RMND5A: variants seen among roughly 807,000 people sequenced by gnomAD.
RMND5A encodes the protein E3 ubiquitin-protein transferase RMND5A.
RMND5A carries 17 observed loss-of-function variants against 49.7 expected under a neutral mutation model. That is an observed-to-expected ratio of 0.34 (90% CI 0.23 to 0.51). RMND5A has a LOEUF of 0.51. Ranked by LOEUF, RMND5A falls within the 20% of genes least tolerant of loss-of-function variation. The pLI, the probability that RMND5A is intolerant of heterozygous loss-of-function variation, is 0.96. For synonymous variants in RMND5A, 156 were observed against 167.7 expected, an observed-to-expected ratio of 0.93 and a Z score of 0.54; for missense variants, 255 against 471.3, an observed-to-expected ratio of 0.54 and a Z score of 4.25.
At chr2:86,735,120 C>A (rs1380531330) in intron 1 of RMND5A, among the ~76,000 whole-genome samples, 5 of 152,172 alleles carry the variant, frequency 3.3e-5, no homozygotes, top group Non-Finnish European at 5.9e-5. Flanking sequence ...CATTGTTTAT[C>A]CATTCATTCT....
At chr2:86,765,471 T>C in intron 5 of RMND5A, 1 of 362,466 alleles carries the variant, frequency 2.8e-6, no homozygotes, top group South Asian at 4.4e-5. Flanking sequence ...CCCACCTGGC[T>C]GTATGCTGCT....
chr2:86,769,937 A>C, intron 6 of RMND5A, 86 bp from the exon 7 acceptor site: 4 of 899,082 alleles, frequency 4.4e-6, no homozygotes, highest in Non-Finnish European at 5.6e-6. Context: ...TCTGCAGCAC[A>C]TAGAGTCTGG....
rs779790145 is a variant in RMND5A, at chr2:86,751,966, A to T, written c.356A>T (p.Asn119Ile). The change falls in exon 3 of 9, where the codon AAT becomes ATT. Residue 119 changes from asparagine (N) to isoleucine (I), a missense_variant. Physicochemically the swap from Asn to Ile is moderately radical, Grantham distance 149. This residue lies in a region of RMND5A where 208 missense variants were observed against 339.8 expected (regional missense o/e 0.61). Transcript: ENST00000283632. The stretch of plus-strand genomic sequence containing the variant: ...CAGGCAGACAGCCAAAGGCTTCTCA[A>T]TGAGGTGATGGTGGAGCACTTCTTT... ...CWQADSQRLL[N>I]EVMVEHFFRQ... 1 of 1,614,030 alleles carries T rather than the reference A, an allele frequency of 6.2e-7. No individual in the cohort carries two copies. The highest frequency in any genetic ancestry group is 8.5e-7 in the Non-Finnish European group (1 of 1,179,966).
intron 1 of RMND5A, among the ~76,000 whole-genome samples, chr2:86,726,220 A>G (rs1441799469): frequency 1.5e-5 from 1 of 68,646 alleles, no homozygotes; most frequent in South Asian, 3.9e-4. Context: ...GTTGAAAAGT[A>G]TGCTTATTTG....
intron 1 of RMND5A, among the ~76,000 whole-genome samples, chr2:86,740,689 A>G (rs1488803724): frequency 6.7e-6 from 1 of 150,142 alleles, no homozygotes; most frequent in African/African-American, 2.5e-5. Flanking sequence ...GGTTGTTGTA[A>G]TGATAAAAAT....
chr2:86,721,534 C>T (rs1221088585), intron 1 of RMND5A, among the ~76,000 whole-genome samples: 10 of 151,674 alleles, frequency 6.6e-5, no homozygotes, highest in Admixed American at 1.3e-4. Flanking sequence ...GCACATGTTG[C>T]TAGTTACTTG....
intron 1 of RMND5A, among the ~76,000 whole-genome samples, chr2:86,736,484 CATT>C (rs66466518): frequency 0.22 from 18,198 of 84,542 alleles, 6,607 homozygotes; most frequent in African/African-American, 0.52. Context: ...GCATTTGGCT[CATT>C]TGAATTAGTT....
At chr2:86,750,378 A>G (rs1681612940) in intron 2 of RMND5A, among the ~76,000 whole-genome samples, 1 of 152,224 alleles carries the variant, frequency 6.6e-6, no homozygotes. Flanking sequence ...CACTGGATAT[A>G]GAATTCTAGG....
chr2:86,729,096 T>C (rs1681317303), intron 1 of RMND5A, among the ~76,000 whole-genome samples: 2 of 152,206 alleles, frequency 1.3e-5, no homozygotes, highest in Admixed American at 1.3e-4. Flanking sequence ...TATTTAGGTG[T>C]CTTTATTACT....
In RMND5A at chr2:86,720,293, C is replaced by G. The variant is rs1015796526; in HGVS notation, c.-375C>G. On this transcript the variant is annotated 5_prime_UTR_variant, in exon 1 of 9. Transcript: ENST00000283632. ...TCCTCGCCCGGGTGGCCATCCCCCT[C>G]CCCCCAGTCGGCGGCGCTTGGTGCC... The G allele has an allele frequency of 1.3e-5, 2 of 152,348 alleles. No individual in the cohort carries two copies. The highest frequency in any genetic ancestry group is 2.4e-5 in the African/African-American group (1 of 41,378). 9.4% of individuals were successfully genotyped at this position (152,348 alleles called of 1,614,324 possible).
chr2:86,768,439 T>C (rs1672635917), intron 6 of RMND5A, among the ~76,000 whole-genome samples: 1 of 152,184 alleles, frequency 6.6e-6, no homozygotes, highest in African/African-American at 2.4e-5. Flanking sequence ...GCTGATGCCA[T>C]CAAGTTCTCT....
rs776118641 is a variant in RMND5A, at chr2:86,768,206, C to G, written c.855-1817C>G. On this transcript the variant is annotated intron_variant, in intron 6 of 8. Transcript: ENST00000283632. ...CTCTTTGAGATCCTTAATACTTAAG[C>G]ATATAAAGGGGTCCTGAAACCAAAA... Among the ~76,000 whole-genome samples, 13 of 152,276 alleles carry G rather than the reference C, an allele frequency of 8.5e-5. No individual in the cohort carries two copies. In the South Asian group the frequency reaches 2.3e-3, roughly 27 times the overall value.
intron 4 of RMND5A, 59 bp downstream of exon 4, chr2:86,753,617 A>G: frequency 1.2e-6 from 1 of 815,868 alleles, no homozygotes. Flanking sequence ...AGAAAACTCA[A>G]TCAGAAAACA....
intron 2 of RMND5A, among the ~76,000 whole-genome samples, chr2:86,745,147 T>C (rs985807503): frequency 1.3e-5 from 2 of 152,170 alleles, no homozygotes; most frequent in African/African-American, 2.4e-5. Flanking sequence ...AAAGTTTACT[T>C]CCTAAGAAAA....
chr2:86,735,223 T>G (rs1681394590), intron 1 of RMND5A, among the ~76,000 whole-genome samples: 1 of 147,996 alleles, frequency 6.8e-6, no homozygotes, highest in African/African-American at 2.5e-5. Context: ...GTTGTTCTTT[T>G]GGGTATATAA....
intron 4 of RMND5A, among the ~76,000 whole-genome samples, chr2:86,755,233 C>T (rs1224343452): frequency 1.3e-5 from 2 of 152,070 alleles, no homozygotes; most frequent in East Asian, 3.9e-4. Flanking sequence ...ATCCTCCTGC[C>T]CCGGCCTCCT....
chr2:86,770,936 A>G (rs558333446), intron 7 of RMND5A, among the ~76,000 whole-genome samples: 1 of 152,184 alleles, frequency 6.6e-6, no homozygotes, highest in Non-Finnish European at 1.5e-5. Context: ...CTGAAAAGCT[A>G]ACATACGCAT....
intron 4 of RMND5A, among the ~76,000 whole-genome samples, chr2:86,759,692 C>CGGGA (rs947992549): frequency 2.0e-5 from 3 of 147,914 alleles, no homozygotes; most frequent in African/African-American, 7.4e-5. Flanking sequence ...CCCAGCTACT[C>CGGGA]GGGAGGCTGA....
At chr2:86,735,160 TCTTATGAATAATG>T (rs1681393698) in intron 1 of RMND5A, among the ~76,000 whole-genome samples, 1 of 152,120 alleles carries the variant, frequency 6.6e-6, no homozygotes, top group Non-Finnish European at 1.5e-5. Context: ...CCAGTTTTTG[TCTTATGAATAATG>T]CTACTGTGAA....
Sources: allele counts gnomAD v4.1 joint callset (sites outside exome capture counted in the v4.1 genomes callset), GRCh38; gene constraint gnomAD v4.1.1; regional missense constraint gnomAD v4.1.1; transcripts MANE v1.5; gene names NCBI Gene and HGNC (gene_info 2026-07-23, HGNC 2026-07-21).